The following MEF2B variants were observed in gnomAD, a reference collection of about 807,000 sequenced individuals.
MEF2B encodes the protein myocyte enhancer factor 2B, also known as myocyte-specific enhancer factor 2B.
MEF2B carries 15 observed loss-of-function variants against 32.2 expected under a neutral mutation model. The ratio of observed to expected loss-of-function variants is 0.47; its 90% CI spans 0.31 to 0.72. MEF2B has a LOEUF of 0.72. MEF2B is among the 30% of genes least tolerant of loss of function. The probability of loss-of-function intolerance (pLI) is 0.05; values close to 1 mark genes in which losing one functional copy is unlikely to be tolerated. For synonymous variants in MEF2B, 205 were observed against 225.6 expected, an observed-to-expected ratio of 0.91 and a Z score of 0.82; for missense variants, 441 against 511.5, an observed-to-expected ratio of 0.86 and a Z score of 1.33.
intron 1 of MEF2B, among the ~76,000 whole-genome samples, chr19:19,160,252 G>A (rs1179627974): frequency 6.6e-6 from 1 of 151,986 alleles, no homozygotes; most frequent in Non-Finnish European, 1.5e-5. Flanking sequence ...TTACAGGTGT[G>A]AGCCACCACA....
At chr19:19,152,434 GGT>G (rs2060091175) in intron 1 of MEF2B, among the ~76,000 whole-genome samples, 1 of 151,448 alleles carries the variant, frequency 6.6e-6, no homozygotes. Flanking sequence ...GGCTTGGCGT[GGT>G]AGCTCATGCC....
chr19:19,166,881 T>C (rs890430180), intron 1 of MEF2B, among the ~76,000 whole-genome samples: 3 of 151,908 alleles, frequency 2.0e-5, no homozygotes, highest in African/African-American at 4.8e-5. Context: ...TTGGGCAACA[T>C]AGGGAGACCT....
At chr19:19,153,308 G>C (rs2060097723) in intron 1 of MEF2B, among the ~76,000 whole-genome samples, 1 of 152,154 alleles carries the variant, frequency 6.6e-6, no homozygotes. Flanking sequence ...TGAGAGCTGA[G>C]ATAGAAAGTG....
At chr19:19,152,611 G>A (rs2060092395) in intron 1 of MEF2B, among the ~76,000 whole-genome samples, 1 of 152,196 alleles carries the variant, frequency 6.6e-6, no homozygotes, top group Non-Finnish European at 1.5e-5. Flanking sequence ...TGCTGAGGCA[G>A]GAGAATCCCT....
chr19:19,169,710 T>C (rs2060237689), intron 1 of MEF2B, among the ~76,000 whole-genome samples: 1 of 151,542 alleles, frequency 6.6e-6, no homozygotes, highest in Non-Finnish European at 1.5e-5. Flanking sequence ...GGGAGGAGAG[T>C]TGGCCCCGGC....
chr19:19,148,716 TTTA>T (rs1217051169), intron 3 of MEF2B, among the ~76,000 whole-genome samples: 2 of 151,194 alleles, frequency 1.3e-5, no homozygotes, highest in African/African-American at 4.9e-5. Context: ...TATTTATTTA[TTTA>T]TTTATTTTTT....
intron 3 of MEF2B, among the ~76,000 whole-genome samples, chr19:19,148,179 A>C (rs1440766147): frequency 6.6e-6 from 1 of 152,242 alleles, no homozygotes; most frequent in African/African-American, 2.4e-5. Flanking sequence ...AAGCTGCTTA[A>C]GAGGCCGGGC....
At chr19:19,147,924 C>T (rs1599719510) in intron 3 of MEF2B, 92 bp from the exon 4 acceptor site, 1 of 1,501,074 alleles carries the variant, frequency 6.7e-7, no homozygotes, top group African/African-American at 1.4e-5. Flanking sequence ...CATCCCCACC[C>T]AGCTCCATGA....
At chr19:19,155,334 C>T (rs1396330926) in intron 1 of MEF2B, among the ~76,000 whole-genome samples, 1 of 152,194 alleles carries the variant, frequency 6.6e-6, no homozygotes, top group Non-Finnish European at 1.5e-5. Flanking sequence ...TCAAAAAACC[C>T]ATTCCTCTAG....
intron 1 of MEF2B, 69 bp from the exon 2 acceptor site, chr19:19,150,833 C>A: frequency 1.3e-6 from 2 of 1,564,518 alleles, no homozygotes; most frequent in Admixed American, 1.7e-5. Flanking sequence ...CAGCCTCACA[C>A]CTCTCCTCTG....
In MEF2B at chr19:19,150,716, T is replaced by C. The variant is rs1006993781; in HGVS notation, c.20A>G (p.Gln7Arg). 1.1e-5 allele frequency: 17 copies of C among 1,614,006 alleles called. No individual in the cohort carries two copies. Among genetic ancestry groups the C allele is most frequent in the African/African-American group, 5.3e-5 (4 of 74,916 alleles). MGRKKI[Q>R]ISRILDQRNR... ...CCTTTGGTCCAGGATGCGGGAGATCTGGATTTTTTTCCTCCCCATCGTCCC... is the reference window on the plus strand; with the variant it reads ...CCTTTGGTCCAGGATGCGGGAGATCCGGATTTTTTTCCTCCCCATCGTCCC... Residue 7 changes from glutamine to arginine, a missense_variant, in exon 2 of 9, where the codon CAG (glutamine) becomes CGG (arginine). Coordinates refer to ENST00000424583, the MANE Select transcript of MEF2B (RefSeq NM_001145785.2).
chr19:19,154,902 C>G (rs1216714894), intron 1 of MEF2B, among the ~76,000 whole-genome samples: 1 of 152,200 alleles, frequency 6.6e-6, no homozygotes, highest in Non-Finnish European at 1.5e-5. Context: ...GGTAGGGCCC[C>G]CTCTGTGCTA....
intron 5 of MEF2B, 25 bp downstream of exon 5, chr19:19,147,011 C>T: frequency 6.3e-7 from 1 of 1,577,244 alleles, no homozygotes; most frequent in Non-Finnish European, 8.6e-7. Flanking sequence ...AGGACCTCAC[C>T]CCTGCCCCAC....
intron 1 of MEF2B, among the ~76,000 whole-genome samples, chr19:19,151,269 A>G (rs901501960): frequency 6.6e-6 from 1 of 151,980 alleles, no homozygotes; most frequent in African/African-American, 2.4e-5. Context: ...AGAAAACAGA[A>G]TAATAGAAAC....
intron 1 of MEF2B, among the ~76,000 whole-genome samples, chr19:19,163,124 A>T (rs2060178884): frequency 6.6e-6 from 1 of 151,928 alleles, no homozygotes. Context: ...CCTGCAGAAA[A>T]CGCTCTTTCT....
chr19:19,156,418 A>C (rs2060120974), intron 1 of MEF2B, among the ~76,000 whole-genome samples: 1 of 152,024 alleles, frequency 6.6e-6, no homozygotes, highest in Admixed American at 6.6e-5. Context: ...TTTTTTTTAA[A>C]GGCAATAAAG....
At chr19:19,147,871 T>TAC (rs778646638) in intron 3 of MEF2B, 39 bp from the exon 4 acceptor site, 1 of 1,589,088 alleles carries the variant, frequency 6.3e-7, no homozygotes, top group Non-Finnish European at 8.6e-7. Flanking sequence ...CCCTTACCCC[T>TAC]ACCCCACCCA....
Position 19,146,001 on chromosome 19 carries a change from C to T in MEF2B, c.903G>A (p.Glu301=), listed in dbSNP as rs1448891177. 3 of 1,432,184 alleles carry T rather than the reference C, an allele frequency of 2.1e-6. No homozygotes were observed. The highest frequency in any genetic ancestry group is 2.7e-6 in the Non-Finnish European group (3 of 1,094,084). 88.7% of individuals were successfully genotyped at this position (1,432,184 alleles called of 1,614,324 possible). A position where few individuals can be genotyped will look rare whatever the true frequency, so the allele number is the denominator to read the frequency against. ...AGGCGCCGCGGGTTGGGGGACCCTC[C>T]TCGCCCAGGCTTCGGCCCCCACTGC... ...SQPSGGRSLG[E]EGPPTRGASP... is the part of the protein sequence containing the mutation. Residue 301 remains glutamate (E), a synonymous_variant, in exon 9 of 9, where the codon GAG becomes GAA. Transcript: ENST00000424583.
intron 1 of MEF2B, among the ~76,000 whole-genome samples, chr19:19,157,865 A>G (rs2060130618): frequency 6.6e-6 from 1 of 152,056 alleles, no homozygotes; most frequent in Admixed American, 6.6e-5. Context: ...ACAAAAAACA[A>G]AAAACCCTCA....
Sources: allele counts gnomAD v4.1 joint callset (sites outside exome capture counted in the v4.1 genomes callset), GRCh38; gene constraint gnomAD v4.1.1; transcripts MANE v1.5; gene names NCBI Gene and HGNC (gene_info 2026-07-23, HGNC 2026-07-21).